Variants in DYM observed in about 807,000 individuals in gnomAD.
DYM encodes dyggve-Melchior-Clausen syndrome protein.
Under a neutral mutation model 93.1 loss-of-function variants are expected in DYM, and 78 were observed. That is an observed-to-expected ratio of 0.84 (90% CI 0.70 to 1.01). The LOEUF is 1.01. Ranked by LOEUF, DYM falls within the 50% of genes least tolerant of loss-of-function variation. DYM has a pLI of 0.00. For synonymous variants in DYM, 321 were observed against 319.7 expected, an observed-to-expected ratio of 1.00 and a Z score of -0.04; for missense variants, 789 against 845.0, an observed-to-expected ratio of 0.93 and a Z score of 0.82.
Position 49,036,705 on chromosome 18 carries a change from C to A in DYM, c.*7350G>T, listed in dbSNP as rs1456802850. On this transcript the variant is annotated 3_prime_UTR_variant, in exon 18 of 18. Coordinates refer to ENST00000675505, the MANE Select transcript of DYM (RefSeq NM_001353214.3). ...TAGCTGGGACTACAGGCACACACCA[C>A]CATGCTCAGCTAATTTGTGTGTGTG... Among the ~76,000 whole-genome samples, 2 of 148,190 alleles carry A rather than the reference C, an allele frequency of 1.3e-5. No homozygotes were observed. Among genetic ancestry groups the A allele is most frequent in the African/African-American group, 5.0e-5 (2 of 40,208 alleles).
intron 15 of DYM, among the ~76,000 whole-genome samples, chr18:49,144,309 G>GTT (rs147443427): frequency 8.8e-5 from 13 of 147,122 alleles, no homozygotes; most frequent in African/African-American, 1.2e-4. Context: ...TAGTTTTTGG[G>GTT]TTTTTTTTTT....
chr18:49,124,181 A>G (rs556615370), intron 15 of DYM, among the ~76,000 whole-genome samples: 1 of 152,204 alleles, frequency 6.6e-6, no homozygotes, highest in Admixed American at 6.5e-5. Context: ...CTGACTATTT[A>G]TTTTATTCCC....
intron 8 of DYM, among the ~76,000 whole-genome samples, chr18:49,324,038 G>A (rs548286292): frequency 3.7e-4 from 53 of 143,662 alleles, no homozygotes; most frequent in African/African-American, 1.2e-3. Flanking sequence ...AGGCAGCTGA[G>A]GCACGACAAT....
At position 49,365,131 on chromosome 18, in the gene DYM, G is replaced by A. The variant is rs189295862; in HGVS notation, c.422-1898C>T. On this transcript the variant is annotated intron_variant, in intron 5 of 17. Transcript: ENST00000675505. The stretch of plus-strand genomic sequence containing the variant: ...CTCAGAAAAAATCCAGCAGTTAATT[G>A]CAAAGCATCAAAGCACTTGGAGTCT... Among the ~76,000 whole-genome samples the A allele has an allele frequency of 7.6e-4, 115 of 151,926 alleles. 1 individual carries two copies. The highest frequency in any genetic ancestry group is 2.7e-3 in the African/African-American group (110 of 41,424).
intron 14 of DYM, among the ~76,000 whole-genome samples, chr18:49,174,747 G>A (rs540316762): frequency 4.1e-4 from 63 of 152,248 alleles, no homozygotes; most frequent in Non-Finnish European, 1.8e-4. Context: ...TTGTAAAGAC[G>A]TAATCCCGGA....
chr18:49,366,459 A>T (rs996519752), intron 5 of DYM, among the ~76,000 whole-genome samples: 1 of 152,244 alleles, frequency 6.6e-6, no homozygotes, highest in Non-Finnish European at 1.5e-5. Flanking sequence ...AAAGTTTTAT[A>T]ACTTAGAGTT....
intron 10 of DYM, among the ~76,000 whole-genome samples, chr18:49,278,000 T>C (rs1045533254): frequency 1.3e-5 from 2 of 152,166 alleles, no homozygotes; most frequent in Non-Finnish European, 2.9e-5. Flanking sequence ...GAACAGATGT[T>C]AGATCACAAC....
At chr18:49,417,148 T>TTGG (rs1387684017) in intron 2 of DYM, among the ~76,000 whole-genome samples, 1 of 152,040 alleles carries the variant, frequency 6.6e-6, no homozygotes. Flanking sequence ...AGCGGTGGTG[T>TTGG]TGGTGGTGGT....
At chr18:49,282,314 T>A in intron 9 of DYM, 139 bp from the exon 10 acceptor site, 2 of 964,616 alleles carry the variant, frequency 2.1e-6, no homozygotes, top group Non-Finnish European at 1.6e-6. Context: ...AATTTTAATT[T>A]ATGTAAAATT....
chr18:49,188,917 T>G (rs113808401), intron 14 of DYM, among the ~76,000 whole-genome samples: 1,532 of 152,196 alleles, frequency 0.01, 42 homozygotes, highest in South Asian at 0.075. Flanking sequence ...AGCAAAGGCA[T>G]GGAATCAACC....
At chr18:49,366,073 C>G (rs1335662028) in intron 5 of DYM, among the ~76,000 whole-genome samples, 1 of 150,244 alleles carries the variant, frequency 6.7e-6, no homozygotes, top group Admixed American at 6.6e-5. Flanking sequence ...CTTAAGACTT[C>G]CATTCACTAA....
intron 1 of DYM, among the ~76,000 whole-genome samples, chr18:49,449,417 T>G (rs1279073765): frequency 1.3e-5 from 2 of 152,184 alleles, no homozygotes; most frequent in Non-Finnish European, 2.9e-5. Context: ...AGAGAGGCGG[T>G]ACCTCTTGAC....
chr18:49,252,829 C>A (rs1030730360), intron 13 of DYM, among the ~76,000 whole-genome samples: 3 of 152,170 alleles, frequency 2.0e-5, no homozygotes, highest in African/African-American at 4.8e-5. Flanking sequence ...TAAAGCAATG[C>A]CTTGCATATA....
At chr18:49,445,184 C>G (rs2081993302) in intron 1 of DYM, among the ~76,000 whole-genome samples, 3 of 151,996 alleles carry the variant, frequency 2.0e-5, no homozygotes, top group African/African-American at 7.3e-5. Flanking sequence ...TTAAAATATC[C>G]TTCATTTTGC....
chr18:49,081,260 G>A (rs568803726), intron 17 of DYM, among the ~76,000 whole-genome samples: 1 of 150,990 alleles, frequency 6.6e-6, no homozygotes, highest in African/African-American at 2.4e-5. Context: ...CCGGCACCTC[G>A]GGAGGCCGAG....
chr18:49,440,968 T>C (rs1382637916), intron 1 of DYM, among the ~76,000 whole-genome samples: 1 of 2,108 alleles, frequency 4.7e-4, no homozygotes, highest in Non-Finnish European at 9.3e-4. Context: ...ATATTATATT[T>C]ATATAATATA....
intron 1 of DYM, among the ~76,000 whole-genome samples, chr18:49,451,257 A>G (rs761677778): frequency 5.3e-5 from 8 of 152,220 alleles, no homozygotes; most frequent in Non-Finnish European, 1.0e-4. Context: ...ATGGCAATAT[A>G]GTTGTTTGCA....
At position 49,317,138 on chromosome 18, in the gene DYM, C is replaced by G. The variant is rs1254040066; in HGVS notation, c.763+14726G>C. ...TAATGGAAGATGCTAACAGCGGAAA[C>G]TTGAAGAGGAAATTTGTATATGAGG... is the stretch of plus-strand genomic sequence containing the variant. On this transcript the variant is annotated intron_variant, in intron 8 of 17. Transcript: ENST00000675505. Among the ~76,000 whole-genome samples the G allele has an allele frequency of 3.3e-5, 5 of 152,166 alleles. No individual in the cohort carries two copies. The East Asian group carries it at 9.6e-4, about 29-fold the overall frequency.
chr18:49,265,687 A>G (rs1399072649), intron 11 of DYM, among the ~76,000 whole-genome samples: 1 of 151,478 alleles, frequency 6.6e-6, no homozygotes, highest in Non-Finnish European at 1.5e-5. Flanking sequence ...CTGAGGCAGG[A>G]GAATCGCTTG....
Sources: allele counts gnomAD v4.1 joint callset (sites outside exome capture counted in the v4.1 genomes callset), GRCh38; gene constraint gnomAD v4.1.1; transcripts MANE v1.5; gene names NCBI Gene and HGNC (gene_info 2026-07-23, HGNC 2026-07-21).